Variants in ERCC6L2 observed in about 807,000 individuals in gnomAD.
ERCC6L2 encodes the protein DNA excision repair protein ERCC-6-like 2.
In ERCC6L2, 77 loss-of-function variants were observed where a neutral mutation model predicts 132.0. That is an observed-to-expected ratio of 0.58 (90% CI 0.49 to 0.71). The LOEUF (loss-of-function observed/expected upper bound fraction) is 0.71. Ranked by LOEUF, ERCC6L2 falls within the 30% of genes least tolerant of loss-of-function variation. The pLI is 0.00. For missense variants in ERCC6L2, 1,542 were observed against 1,837.6 expected (o/e 0.84, Z 2.94); for synonymous variants, 583 against 632.4 (o/e 0.92, Z 1.17).
chr9:95,903,062 A>G (rs1187317153), intron 3 of ERCC6L2, among the ~76,000 whole-genome samples: 1 of 152,070 alleles, frequency 6.6e-6, no homozygotes, highest in African/African-American at 2.4e-5. Flanking sequence ...ATTTATAAAT[A>G]CATTCATTCA....
At chr9:95,952,842 A>C (rs1187325320) in intron 12 of ERCC6L2, among the ~76,000 whole-genome samples, 1 of 139,352 alleles carries the variant, frequency 7.2e-6, no homozygotes, top group African/African-American at 3.1e-5. Context: ...CGTCTCAATA[A>C]AAAAAAAAAA....
chr9:95,929,157 TG>T (rs1830230107), intron 11 of ERCC6L2: 1 of 203,552 alleles, frequency 4.9e-6, no homozygotes, highest in African/African-American at 2.4e-5. Context: ...AGTCTCCTGG[TG>T]AGAATAATCA....
At chr9:95,954,236 A>T (rs1831486942) in intron 12 of ERCC6L2, among the ~76,000 whole-genome samples, 1 of 152,186 alleles carries the variant, frequency 6.6e-6, no homozygotes, top group Admixed American at 6.5e-5. Context: ...TGTCAAGGAA[A>T]TTGGTCAAAA....
intron 17 of ERCC6L2, among the ~76,000 whole-genome samples, chr9:96,001,754 C>T (rs189503163): frequency 0.03 from 4,633 of 152,332 alleles, 97 homozygotes; most frequent in East Asian, 0.13. Context: ...TGGGACTGGG[C>T]GCCGTGGAGC....
At chr9:96,022,558 A>C (rs934546130), downstream of ERCC6L2, among the ~76,000 whole-genome samples, 1 of 152,140 alleles carries the variant, frequency 6.6e-6, no homozygotes, top group Non-Finnish European at 1.5e-5. Flanking sequence ...CGCCGAGTTT[A>C]TTCACCCTGG....
intron 6 of ERCC6L2, 47 bp downstream of exon 6, chr9:95,916,481 T>C (rs909225560): frequency 7.1e-7 from 1 of 1,414,060 alleles, no homozygotes; most frequent in Non-Finnish European, 9.3e-7. Context: ...TCATATTTTT[T>C]TTTTCCTTTT....
At chr9:96,026,622 C>CACA (rs1834368477) in intron 19 of ERCC6L2, among the ~76,000 whole-genome samples, 1 of 151,098 alleles carries the variant, frequency 6.6e-6, no homozygotes, top group African/African-American at 2.4e-5. Context: ...ACACACCACA[C>CACA]TATACACACC....
At chr9:96,007,910 G>A (rs893720538) in intron 18 of ERCC6L2, among the ~76,000 whole-genome samples, 7 of 152,250 alleles carry the variant, frequency 4.6e-5, no homozygotes, top group South Asian at 2.1e-4. Flanking sequence ...GGGGTTTGGC[G>A]ACTCCCAGGC....
chr9:95,968,483 C>T (rs1312097666), intron 14 of ERCC6L2: 1 of 151,974 alleles, frequency 6.6e-6, no homozygotes, highest in Non-Finnish European at 1.5e-5. Context: ...CTGCTTTGGG[C>T]CAAAAGGTGC....
At chr9:95,970,528 C>A (rs1303320325) in intron 14 of ERCC6L2, 48 bp from the exon 15 acceptor site, 3 of 1,156,654 alleles carry the variant, frequency 2.6e-6, no homozygotes, top group Admixed American at 2.6e-5. Flanking sequence ...GTTGTTGCTA[C>A]CCCCTGTGTT....
chr9:95,972,720 CCAAGT>C lies in ERCC6L2; in HGVS notation c.2974_2978del (p.Arg993LysfsTer5), dbSNP rs1564276667. ...GAATCTGATGACATTGAAATTTCTT[CCAAGT>C]CAAGAGTAAGAAAGAGAGCTAGTTC... is the stretch of plus-strand genomic sequence containing the variant. On this transcript the variant is annotated frameshift_variant, in exon 16 of 19. Coordinates refer to ENST00000653738, the MANE Select transcript of ERCC6L2 (RefSeq NM_020207.7). LOFTEE classifies it high-confidence loss of function. The C allele has an allele frequency of 7.7e-6, 10 of 1,302,380 alleles. No homozygotes were observed. The highest frequency in any genetic ancestry group is 1.0e-5 in the Non-Finnish European group (10 of 988,814). The allele number at this position is 1,302,380 out of a possible 1,614,324, so 80.7% of individuals were successfully genotyped here. A position where few individuals can be genotyped will look rare whatever the true frequency, so the allele number is the denominator to read the frequency against.
chr9:95,899,423 G>A (rs1200242273), intron 3 of ERCC6L2, among the ~76,000 whole-genome samples: 1 of 152,028 alleles, frequency 6.6e-6, no homozygotes, highest in Non-Finnish European at 1.5e-5. Context: ...CTGCACTCCA[G>A]CCAGGGCAAT....
At position 95,918,471 on chromosome 9, in the gene ERCC6L2, T is replaced by C. The variant is rs533732407; in HGVS notation, c.1158+2037T>C. On this transcript the variant is annotated intron_variant, in intron 6 of 18. Coordinates refer to ENST00000653738, the MANE Select transcript of ERCC6L2 (RefSeq NM_020207.7). ...CATTTATTCAGGTCCTGCAGGTCTG[T>C]TGGCTCATGAAATAGGTTTTGGAAG... The C allele has an allele frequency of 1.4e-5, 7 of 492,814 alleles. No homozygotes were observed. In the Admixed American group the frequency reaches 1.5e-4, roughly 10 times the overall value. The allele number at this position is 492,814 out of a possible 1,614,324, so 30.5% of individuals were successfully genotyped here.
intron 9 of ERCC6L2, among the ~76,000 whole-genome samples, chr9:95,926,398 G>A (rs539889245): frequency 4.3e-4 from 66 of 152,140 alleles, no homozygotes; most frequent in African/African-American, 1.5e-3. Context: ...GTAGGTAAAT[G>A]GATTAAAAAA....
chr9:95,966,570 C>T lies in ERCC6L2; in HGVS notation c.1956C>T (p.His652=). The change falls in exon 14 of 19, where the codon CAC becomes CAT. Residue 652 remains histidine, a synonymous_variant. Coordinates refer to ENST00000653738, the MANE Select transcript of ERCC6L2 (RefSeq NM_020207.7). ...TGTTTTTTCTGTTTTAGCAACTTCA[C>T]TGTGTGGTGGTTGGAAGTGAAAATG... ...YLRQIYKQQL[H]CVVVGSENAK... is the part of the protein sequence containing the mutation. 9 of 1,487,112 alleles carry T rather than the reference C, an allele frequency of 6.1e-6. No homozygotes were observed. Among genetic ancestry groups the T allele is most frequent in the Non-Finnish European group, 7.3e-6 (8 of 1,101,750 alleles). 92.1% of individuals were successfully genotyped at this position (1,487,112 alleles called of 1,614,324 possible). A position where few individuals can be genotyped will look rare whatever the true frequency, so the allele number is the denominator to read the frequency against.
At chr9:95,998,921 T>C (rs1326792561) in intron 17 of ERCC6L2, among the ~76,000 whole-genome samples, 2 of 152,260 alleles carry the variant, frequency 1.3e-5, no homozygotes, top group Admixed American at 6.5e-5. Flanking sequence ...AATGGCACAT[T>C]GATTCCTAAA....
chr9:96,003,174 T>A (rs947219003), intron 17 of ERCC6L2, among the ~76,000 whole-genome samples: 1 of 152,220 alleles, frequency 6.6e-6, no homozygotes, highest in Non-Finnish European at 1.5e-5. Context: ...TCAGTTCTTA[T>A]ATTTGTTACA....
chr9:95,951,494 G>A (rs543780861), intron 12 of ERCC6L2, among the ~76,000 whole-genome samples: 18 of 152,048 alleles, frequency 1.2e-4, no homozygotes, highest in Non-Finnish European at 1.5e-5. Context: ...AAACGACAGA[G>A]GCAATCAATG....
rs1180802927 is a variant in ERCC6L2, at chr9:95,922,420, T to C, written c.1413+2T>C. 6.4e-7 allele frequency: 1 copy of C among 1,568,618 alleles called. No homozygotes were observed. Among genetic ancestry groups the C allele is most frequent in the Non-Finnish European group, 8.8e-7 (1 of 1,140,050 alleles). ...GCTGCTAGTACTTCCAAACAACAGG[T>C]TTGGTTAGCATTTTACATTTCTTTG... On this transcript the variant is annotated splice_donor_variant, in intron 8 of 18. Coordinates refer to ENST00000653738, the MANE Select transcript of ERCC6L2 (RefSeq NM_020207.7). LOFTEE classifies it high-confidence loss of function.
Sources: allele counts gnomAD v4.1 joint callset (sites outside exome capture counted in the v4.1 genomes callset), GRCh38; gene constraint gnomAD v4.1.1; transcripts MANE v1.5; gene names NCBI Gene and HGNC (gene_info 2026-07-23, HGNC 2026-07-21).